Variants in WDR20 observed in about 807,000 individuals in gnomAD.
WDR20 encodes WD repeat domain 20, also known as WD repeat-containing protein 20.
WDR20 carries 3 observed loss-of-function variants against 38.7 expected under a neutral mutation model. That is an observed-to-expected ratio of 0.08 (90% CI 0.04 to 0.20). The LOEUF is 0.20. Ranked by LOEUF, WDR20 falls within the 10% of genes least tolerant of loss-of-function variation. The pLI is 1.00. For missense variants in WDR20, 559 were observed against 727.7 expected (o/e 0.77, Z 2.67); for synonymous variants, 298 against 285.6 (o/e 1.04, Z -0.44).
rs574170540 is a variant in WDR20 at position 102,205,260 on chromosome 14, C to CAA, written c.433-3330_433-3329dup. On this transcript the variant is annotated intron_variant, in intron 2 of 2. Transcript: ENST00000342702. ...TGAGTGATGGAGCGAGACCCTGTCT[C>CAA]AAAAAAAAAAAAAAGATATGGAATG... is the stretch of plus-strand genomic sequence containing the variant. 8.4e-4 allele frequency among the ~76,000 whole-genome samples: 98 copies of CAA among 116,790 alleles called. 1 individual carries two copies. Among genetic ancestry groups the CAA allele is most frequent in the Middle Eastern group, 4.6e-3 (1 of 218 alleles). 76.6% of individuals were successfully genotyped at this position (116,790 alleles called of 152,430 possible). A position where few individuals can be genotyped will look rare whatever the true frequency, so the allele number is the denominator to read the frequency against.
downstream of WDR20, chr14:102,214,332 G>A (rs2062943183): frequency 1.1e-5 from 11 of 985,312 alleles, no homozygotes; most frequent in Non-Finnish European, 1.2e-5. Flanking sequence ...ACATCACAGC[G>A]ACCCCAAGTG....
chr14:102,213,933 A>G, downstream of WDR20: 1 of 985,466 alleles, frequency 1.0e-6, no homozygotes, highest in African/African-American at 1.7e-5. Flanking sequence ...GCAGTTCACC[A>G]GTGGATTTTC....
At chr14:102,199,137 C>T (rs1179366470) in intron 2 of WDR20, among the ~76,000 whole-genome samples, 3 of 152,000 alleles carry the variant, frequency 2.0e-5, no homozygotes, top group Non-Finnish European at 4.4e-5. Context: ...TTAATTACCA[C>T]GACATTTACA....
At chr14:102,219,356 C>T (rs891796996), downstream of WDR20, among the ~76,000 whole-genome samples, 1 of 152,238 alleles carries the variant, frequency 6.6e-6, no homozygotes, top group Non-Finnish European at 1.5e-5. Context: ...AAGTCCTCAG[C>T]GGCATGCAGG....
rs977722737 is a variant in WDR20, at chr14:102,140,128, G to A, written c.205G>A (p.Val69Met). Residue 69 changes from valine to methionine, a missense_variant, in exon 1 of 3, where the codon GTG becomes ATG. Val to Met is a conservative substitution (Grantham distance 21). Transcript: ENST00000342702. Reference sequence around the variant, plus strand: ...CAACGGCGACCGCCTCTGCTTCAATGTGGGCCGGGAGCTGTACTTCTATAT... The same window carrying A: ...CAACGGCGACCGCCTCTGCTTCAATATGGGCCGGGAGCTGTACTTCTATAT... The part of the protein sequence containing the change: ...SGNGDRLCFN[V>M]GRELYFYIYK... 58 of 1,613,910 alleles carry A rather than the reference G, an allele frequency of 3.6e-5. No individual in the cohort carries two copies. Among genetic ancestry groups the A allele is most frequent in the Non-Finnish European group, 4.2e-5 (49 of 1,180,050 alleles).
chr14:102,169,958 C>T (rs1232127642), intron 1 of WDR20, among the ~76,000 whole-genome samples: 1 of 152,296 alleles, frequency 6.6e-6, no homozygotes, highest in South Asian at 2.1e-4. Context: ...AATGAAGTCT[C>T]TCACACTTTG....
intron 1 of WDR20, among the ~76,000 whole-genome samples, chr14:102,149,405 G>A (rs574332335): frequency 2.6e-5 from 4 of 152,192 alleles, no homozygotes; most frequent in African/African-American, 4.8e-5. Context: ...TAAGTATCAA[G>A]TGGAATTAAG....
chr14:102,200,465 TTTTGTGTGTGTGTGTGTGTG>T (rs1391287068), intron 2 of WDR20, among the ~76,000 whole-genome samples: 113 of 98,686 alleles, frequency 1.1e-3, no homozygotes, highest in African/African-American at 5.5e-3. Flanking sequence ...AAATTTTTTT[TTTTGTGTGTGTGTGTGTGTG>T]TGTGTGTGTG....
chr14:102,218,046 G>A (rs1259832666), downstream of WDR20, among the ~76,000 whole-genome samples: 5 of 152,232 alleles, frequency 3.3e-5, no homozygotes, highest in Non-Finnish European at 7.3e-5. Flanking sequence ...CTGGCACCAA[G>A]CTCCCGGATG....
At chr14:102,202,150 C>G (rs1454888374) in intron 2 of WDR20, among the ~76,000 whole-genome samples, 1 of 151,972 alleles carries the variant, frequency 6.6e-6, no homozygotes, top group East Asian at 1.9e-4. Flanking sequence ...TTCTCTGCCC[C>G]CACCCTGCTT....
At chr14:102,203,721 A>G (rs1196359864) in intron 2 of WDR20, among the ~76,000 whole-genome samples, 7 of 151,844 alleles carry the variant, frequency 4.6e-5, no homozygotes, top group Non-Finnish European at 5.9e-5. Context: ...GGGACCGGGT[A>G]TTTTTCAACA....
intron 2 of WDR20, among the ~76,000 whole-genome samples, chr14:102,202,218 C>CAGCTTCCTCAAGTCTCAGAGGCCTGTCCT (rs2060534474): frequency 2.6e-5 from 4 of 151,870 alleles, no homozygotes; most frequent in African/African-American, 9.7e-5. Context: ...CTCTAGGGCT[C>CAGCTTCCTCAAGTCTCAGAGGCCTGTCCT]AGCTTCCTCA....
At chr14:102,158,620 C>T (rs1228372615) in intron 1 of WDR20, among the ~76,000 whole-genome samples, 1 of 152,028 alleles carries the variant, frequency 6.6e-6, no homozygotes. Context: ...ACAACTTTGT[C>T]CTCAGATCTT....
chr14:102,199,503 A>T (rs1311038494), intron 2 of WDR20, among the ~76,000 whole-genome samples: 1 of 152,162 alleles, frequency 6.6e-6, no homozygotes, highest in African/African-American at 2.4e-5. Flanking sequence ...ACCCAGGCAG[A>T]GAGTCAACAT....
intron 1 of WDR20, among the ~76,000 whole-genome samples, chr14:102,166,517 CTTAT>C (rs2152803441): frequency 6.6e-6 from 1 of 152,284 alleles, no homozygotes; most frequent in Non-Finnish European, 1.5e-5. Flanking sequence ...GACTGCCCCT[CTTAT>C]TTATCAGTTT....
chr14:102,186,483 G>A (rs11848198), intron 1 of WDR20, among the ~76,000 whole-genome samples: 4,974 of 152,182 alleles, frequency 0.033, 273 homozygotes, highest in African/African-American at 0.11. Context: ...TGTTCAAAAG[G>A]TGAATATCAG....
chr14:102,195,603 TTTGACATAG>T (rs2059281347), intron 2 of WDR20, among the ~76,000 whole-genome samples: 2 of 152,254 alleles, frequency 1.3e-5, no homozygotes, highest in Admixed American at 1.3e-4. Context: ...TAAACTCATC[TTTGACATAG>T]TTGGAAATCC....
chr14:102,164,526 G>A (rs1464509770), intron 1 of WDR20, among the ~76,000 whole-genome samples: 5 of 152,126 alleles, frequency 3.3e-5, no homozygotes, highest in Non-Finnish European at 7.4e-5. Context: ...CTGCAATATG[G>A]CCTTGCTTCT....
chr14:102,212,847 A>G (rs1454939988), downstream of WDR20: 23 of 1,279,360 alleles, frequency 1.8e-5, no homozygotes, highest in East Asian at 3.4e-5. Flanking sequence ...AAACGTTATT[A>G]TGAGCAAGAA....
Sources: allele counts gnomAD v4.1 joint callset (sites outside exome capture counted in the v4.1 genomes callset), GRCh38; gene constraint gnomAD v4.1.1; transcripts MANE v1.5; gene names NCBI Gene and HGNC (gene_info 2026-07-23, HGNC 2026-07-21).